PCDHGA5: variants seen among roughly 807,000 people sequenced by gnomAD.
PCDHGA5 encodes protocadherin gamma-A5.
PCDHGA5 carries 36 observed loss-of-function variants against 56.7 expected under a neutral mutation model. The observed-to-expected ratio is 0.64, with a 90% CI of 0.49 to 0.84. The LOEUF (loss-of-function observed/expected upper bound fraction) is 0.84. Ranked by LOEUF, PCDHGA5 falls within the 40% of genes least tolerant of loss-of-function variation. The probability of loss-of-function intolerance (pLI) is 0.00; values close to 1 mark genes in which losing one functional copy is unlikely to be tolerated. For synonymous variants in PCDHGA5, 563 were observed against 520.2 expected (o/e 1.08, Z -1.12); for missense variants, 1,305 against 1,201.5 (o/e 1.09, Z -1.27).
intron 1 of PCDHGA5, among the ~76,000 whole-genome samples, chr5:141,473,431 G>T (rs541546681): frequency 3.3e-5 from 5 of 152,148 alleles, no homozygotes; most frequent in Non-Finnish European, 7.3e-5. Flanking sequence ...CAGATACTTT[G>T]CTTATGCAAA....
At chr5:141,392,956 T>G in intron 1 of PCDHGA5, 1 of 1,613,820 alleles carries the variant, frequency 6.2e-7, no homozygotes, top group South Asian at 1.1e-5. Context: ...GTGGGTAATA[T>G]CTCCAAGGAC....
At chr5:141,478,488 G>A in intron 1 of PCDHGA5, 1 of 1,613,320 alleles carries the variant, frequency 6.2e-7, no homozygotes, top group Non-Finnish European at 8.5e-7. Context: ...ACGCTGCGGA[G>A]CTGTGATCCG....
At chr5:141,505,650 T>C (rs1595974645) in intron 3 of PCDHGA5, among the ~76,000 whole-genome samples, 169 bp downstream of exon 3, 1 of 152,094 alleles carries the variant, frequency 6.6e-6, no homozygotes, top group East Asian at 1.9e-4. Flanking sequence ...GAATTGTGGC[T>C]AAGGAACAGC....
At chr5:141,405,377 G>T (rs763495028) in intron 1 of PCDHGA5, 29 of 1,603,350 alleles carry the variant, frequency 1.8e-5, no homozygotes, top group Admixed American at 3.5e-5. Flanking sequence ...TTTGGTTCCG[G>T]TGAGTTCATT....
chr5:141,467,233 A>G (rs1009794220), intron 1 of PCDHGA5, among the ~76,000 whole-genome samples: 1 of 151,564 alleles, frequency 6.6e-6, no homozygotes, highest in South Asian at 2.1e-4. Flanking sequence ...TTGTATTTTT[A>G]GTAGAGATGG....
chr5:141,394,361 G>A (rs2092984834), intron 1 of PCDHGA5: 15 of 1,614,072 alleles, frequency 9.3e-6, no homozygotes, highest in Non-Finnish European at 1.2e-5. Context: ...TCCTGTATGC[G>A]CTGCAATCTT....
chr5:141,470,652 C>T (rs923672818), intron 1 of PCDHGA5, among the ~76,000 whole-genome samples: 1 of 152,100 alleles, frequency 6.6e-6, no homozygotes, highest in African/African-American at 2.4e-5. Context: ...AAGGCCCCTA[C>T]CCTTTGGTTA....
At chr5:141,428,204 C>T (rs756271858) in intron 1 of PCDHGA5, 23 of 1,324,604 alleles carry the variant, frequency 1.7e-5, no homozygotes, top group Admixed American at 5.5e-5. Flanking sequence ...TGCGCCGCTA[C>T]GCTTCACCTA....
rs1375469711 is a variant in PCDHGA5 at position 141,512,102 on chromosome 5, C to G, written c.*929C>G. On this transcript the variant is annotated 3_prime_UTR_variant, in exon 4 of 4. Coordinates refer to ENST00000518069, the MANE Select transcript of PCDHGA5 (RefSeq NM_018918.3). Reference sequence around the variant, plus strand: ...GCCATAAACCAATAACTAGGCTGGACCCTTCCCACTACATAATAGGGCTCA... The same window carrying G: ...GCCATAAACCAATAACTAGGCTGGAGCCTTCCCACTACATAATAGGGCTCA... The G allele has an allele frequency of 6.5e-6, 1 of 152,806 alleles. No individual in the cohort carries two copies. The highest frequency in any genetic ancestry group is 1.9e-4 in the East Asian group (1 of 5,182). The allele number at this position is 152,806 out of a possible 1,614,324, so 9.5% of individuals were successfully genotyped here. A position where few individuals can be genotyped will look rare whatever the true frequency, so the allele number is the denominator to read the frequency against.
At chr5:141,426,858 T>C (rs898486771) in intron 1 of PCDHGA5, 1 of 456,574 alleles carries the variant, frequency 2.2e-6, no homozygotes, top group Non-Finnish European at 4.4e-6. Context: ...CGCTCCAGAA[T>C]TAGTGCTGGA....
At chr5:141,402,872 T>C in intron 1 of PCDHGA5, 1 of 1,455,372 alleles carries the variant, frequency 6.9e-7, no homozygotes, top group Non-Finnish European at 9.1e-7. Flanking sequence ...AAGATCACCA[T>C]ACTTTGCAGG....
Position 141,422,656 on chromosome 5 carries a change from G to T in PCDHGA5, c.2421+55905G>T, listed in dbSNP as rs759548203. The T allele has an allele frequency of 7.5e-6, 12 of 1,609,898 alleles. 1 individual carries two copies. The African/African-American group carries it at 1.1e-4, about 14-fold the overall frequency. On this transcript the variant is annotated intron_variant, in intron 1 of 3. Transcript: ENST00000518069. The stretch of plus-strand genomic sequence containing the variant: ...GGGTGCCTCCATCTTCTCAGTGACC[G>T]CCCTCGACCCGGACAGCAAACAGAA...
At chr5:141,482,852 A>G (rs1237049208) in intron 1 of PCDHGA5, among the ~76,000 whole-genome samples, 1 of 144,420 alleles carries the variant, frequency 6.9e-6, no homozygotes, top group Non-Finnish European at 1.5e-5. Flanking sequence ...TGGGCAGATC[A>G]CTTGAGGTCA....
At chr5:141,456,224 A>ACT (rs1167290500) in intron 1 of PCDHGA5, among the ~76,000 whole-genome samples, 1 of 152,034 alleles carries the variant, frequency 6.6e-6, no homozygotes, top group Non-Finnish European at 1.5e-5. Context: ...GCGATATCAA[A>ACT]CTAACTGCTG....
At chr5:141,420,468 T>G in intron 1 of PCDHGA5, 1 of 799,886 alleles carries the variant, frequency 1.3e-6, no homozygotes, top group East Asian at 3.3e-5. Context: ...CAAAGACATT[T>G]TAAAGCAAAC....
chr5:141,404,948 G>C, intron 1 of PCDHGA5: 2 of 1,613,956 alleles, frequency 1.2e-6, no homozygotes, highest in Non-Finnish European at 1.7e-6. Context: ...AGCCATAGCT[G>C]ACAGCATCCC....
intron 1 of PCDHGA5, among the ~76,000 whole-genome samples, chr5:141,406,290 G>A (rs2094788974): frequency 6.6e-6 from 1 of 151,998 alleles, no homozygotes; most frequent in Non-Finnish European, 1.5e-5. Flanking sequence ...AAAGCACTGG[G>A]TGAGGTGTGA....
intron 1 of PCDHGA5, chr5:141,408,214 C>G (rs1225368283): frequency 1.3e-6 from 2 of 1,555,192 alleles, no homozygotes; most frequent in Admixed American, 2.0e-5. Context: ...TGGGAGGGAG[C>G]TGCGCGCAGA....
At chr5:141,370,569 G>A (rs761678477) in intron 1 of PCDHGA5, 4 of 1,613,946 alleles carry the variant, frequency 2.5e-6, no homozygotes, top group Middle Eastern at 1.6e-4. Flanking sequence ...GTTTGGCGTG[G>A]GGGATTTACC....
Sources: gnomAD v4.1 joint callset for allele counts (sites outside exome capture counted in the v4.1 genomes callset) on GRCh38, gnomAD v4.1.1 for gene constraint, MANE v1.5 for transcripts, NCBI Gene and HGNC (gene_info 2026-07-23, HGNC 2026-07-21) for gene names.